The following SLC12A6 variants were observed in gnomAD, a reference collection of about 807,000 sequenced individuals.
SLC12A6 encodes K-Cl cotransporter 3.
In SLC12A6, 66 loss-of-function variants were observed where a neutral mutation model predicts 135.3. The ratio of observed to expected loss-of-function variants is 0.49; its 90% CI spans 0.40 to 0.60. SLC12A6 has a LOEUF of 0.60. Among genes scored for constraint, SLC12A6 ranks in the 20% least tolerant of loss-of-function variants. The pLI is 0.00. For missense variants in SLC12A6, 1,058 were observed against 1,452.3 expected (o/e 0.73, Z 4.41); for synonymous variants, 513 against 508.8 (o/e 1.01, Z -0.11).
At chr15:34,255,488 GT>G in intron 7 of SLC12A6, 96 bp from the exon 8 acceptor site, 1 of 897,252 alleles carries the variant, frequency 1.1e-6, no homozygotes. Flanking sequence ...ATACATAAAG[GT>G]TAAATGTTTC....
rs577079281 is a variant in SLC12A6, at chr15:34,291,281, C to A, written c.272-15892G>T. Among the ~76,000 whole-genome samples, 102 of 152,294 alleles carry A rather than the reference C, an allele frequency of 6.7e-4. 2 individuals carry two copies. Among genetic ancestry groups the A allele is most frequent in the African/African-American group, 2.3e-3 (97 of 41,570 alleles). ...GATATGAAATTCTGGGTTGAAAATT[C>A]TTTTCTTTCAGAATGTTGAATGTTG... On this transcript the variant is annotated intron_variant, in intron 2 of 25. Transcript: ENST00000354181.
At chr15:34,272,562 G>A (rs1156546754) in intron 3 of SLC12A6, among the ~76,000 whole-genome samples, 1 of 152,202 alleles carries the variant, frequency 6.6e-6, no homozygotes. Context: ...CTGGCCAGAA[G>A]ACTGGATGAA....
intron 2 of SLC12A6, among the ~76,000 whole-genome samples, chr15:34,287,186 T>C (rs1895147970): frequency 6.6e-6 from 1 of 152,130 alleles, no homozygotes; most frequent in Non-Finnish European, 1.5e-5. Context: ...CCTGTGTCCA[T>C]GTGTTCTCAT....
chr15:34,235,880 T>G, intron 24 of SLC12A6, 135 bp downstream of exon 24: 1 of 772,204 alleles, frequency 1.3e-6, no homozygotes, highest in Non-Finnish European at 2.4e-6. Flanking sequence ...GGAGCCAGTA[T>G]GAACAGGCAA....
chr15:34,278,912 T>A (rs1894480946), intron 2 of SLC12A6, among the ~76,000 whole-genome samples: 1 of 130 alleles, frequency 7.7e-3, no homozygotes, highest in African/African-American at 0.036. Context: ...TCAACTTAGA[T>A]TTTTATTTTC....
intron 2 of SLC12A6, among the ~76,000 whole-genome samples, chr15:34,326,692 CTTTTTT>C (rs10550362): frequency 7.4e-6 from 1 of 135,300 alleles, no homozygotes; most frequent in Non-Finnish European, 1.6e-5. Context: ...CATTTTATTA[CTTTTTT>C]TTTTTTTTTT....
intron 2 of SLC12A6, among the ~76,000 whole-genome samples, chr15:34,311,700 G>A (rs143524528): frequency 5.9e-4 from 90 of 152,308 alleles, no homozygotes; most frequent in African/African-American, 2.1e-3. Context: ...ATCCCACAGA[G>A]TGGAGAAAGG....
At chr15:34,283,581 GA>G (rs1894829277) in intron 2 of SLC12A6, among the ~76,000 whole-genome samples, 2 of 151,990 alleles carry the variant, frequency 1.3e-5, no homozygotes, top group African/African-American at 4.8e-5. Flanking sequence ...CCTAAGATGG[GA>G]ATCAGCTTGG....
At chr15:34,321,571 A>G (rs565265860) in intron 2 of SLC12A6, among the ~76,000 whole-genome samples, 1 of 152,348 alleles carries the variant, frequency 6.6e-6, no homozygotes, top group East Asian at 1.9e-4. Flanking sequence ...ACTATGGAAA[A>G]GGGTCTCACA....
chr15:34,304,305 A>G (rs912970874), intron 2 of SLC12A6, among the ~76,000 whole-genome samples: 5 of 152,028 alleles, frequency 3.3e-5, no homozygotes, highest in Non-Finnish European at 7.4e-5. Context: ...CATTTTATCT[A>G]TTCATTTGTC....
intron 3 of SLC12A6, among the ~76,000 whole-genome samples, chr15:34,271,319 T>C (rs1893918661): frequency 1.3e-5 from 2 of 152,050 alleles, no homozygotes; most frequent in South Asian, 2.1e-4. Context: ...CCGATTCAGA[T>C]TGCAAATATT....
Position 34,254,537 on chromosome 15 carries a change from T to A in SLC12A6, c.929A>T (p.Glu310Val), listed in dbSNP as rs772172735. ...CATGTTATTTAGCATGGCTGCTGATTCCTTGAGTGCGTCATCACTGTGAAA... is the reference window on the plus strand; with the variant it reads ...CATGTTATTTAGCATGGCTGCTGATACCTTGAGTGCGTCATCACTGTGAAA... Reference protein sequence around the residue: ...AIFHSDDALKESAAMLNNMRV... With the variant: ...AIFHSDDALKVSAAMLNNMRV... The change falls in exon 9 of 26, where the codon GAA becomes GTA. Residue 310 changes from glutamate (E) to valine (V), a missense_variant. Physicochemically the swap from Glu to Val is moderately radical, Grantham distance 121. Transcript: ENST00000354181. 6.2e-7 allele frequency: 1 copy of A among 1,611,042 alleles called. No homozygotes were observed. Among genetic ancestry groups the A allele is most frequent in the Admixed American group, 1.7e-5 (1 of 60,024 alleles).
intron 3 of SLC12A6, among the ~76,000 whole-genome samples, chr15:34,273,422 T>C (rs1033166337): frequency 2.0e-5 from 3 of 152,214 alleles, no homozygotes; most frequent in African/African-American, 7.2e-5. Flanking sequence ...ATCAGATTTG[T>C]ATATTTATGT....
intron 2 of SLC12A6, among the ~76,000 whole-genome samples, chr15:34,288,011 T>C (rs1430322697): frequency 1.3e-5 from 2 of 152,230 alleles, no homozygotes; most frequent in African/African-American, 4.8e-5. Flanking sequence ...TGTTGGCTTT[T>C]GTTGCCATTG....
At chr15:34,331,323 T>C (rs1028766682) in intron 2 of SLC12A6, among the ~76,000 whole-genome samples, 1 of 152,160 alleles carries the variant, frequency 6.6e-6, no homozygotes, top group Non-Finnish European at 1.5e-5. Context: ...ATATTTTTAG[T>C]AGAGACGGGG....
At chr15:34,271,602 TACACAC>T (rs10588100) in intron 3 of SLC12A6, among the ~76,000 whole-genome samples, 12 of 148,930 alleles carry the variant, frequency 8.1e-5, no homozygotes, top group South Asian at 2.1e-4. Flanking sequence ...AGTGCAAAGC[TACACAC>T]ACACACACAC....
In SLC12A6 at chr15:34,252,316, A is replaced by C; in HGVS notation, c.1187T>G (p.Ile396Ser). The C allele has an allele frequency of 6.2e-7, 1 of 1,613,180 alleles. No individual in the cohort carries two copies. The highest frequency in any genetic ancestry group is 8.5e-7 in the Non-Finnish European group (1 of 1,179,194). The change falls in exon 10 of 26, where the codon ATT becomes AGT. Residue 396 changes from isoleucine (I) to serine (S), a missense_variant. This residue lies in a region of SLC12A6 where 297 missense variants were observed against 318.5 expected (regional missense o/e 0.93). Coordinates refer to ENST00000354181, the MANE Select transcript of SLC12A6 (RefSeq NM_001365088.1). ...HIDVCSKTKE[I>S]NNMTVPSKLW... ...CTTTGATGGGACTGTCATGTTGTTA[A>C]TTTCCTTGGTCTTAGAGCAAACGTC...
Position 34,230,531 on chromosome 15 carries a change from T to A in SLC12A6, c.*3350A>T, listed in dbSNP as rs1890856355. ...TTCAGCTTTTAAGATAGATAGCTAT[T>A]GAAGGCAGAGGGTCAGCAGGAGGAT... is the stretch of plus-strand genomic sequence containing the variant. On this transcript the variant is annotated 3_prime_UTR_variant, in exon 26 of 26. Transcript: ENST00000354181. 1 of 152,600 alleles carries A rather than the reference T, an allele frequency of 6.6e-6. No individual in the cohort carries two copies. Among genetic ancestry groups the A allele is most frequent in the African/African-American group, 2.4e-5 (1 of 41,432 alleles). 9.5% of individuals were successfully genotyped at this position (152,600 alleles called of 1,614,324 possible).
intron 2 of SLC12A6, among the ~76,000 whole-genome samples, chr15:34,312,467 A>T (rs1197394759): frequency 6.6e-6 from 1 of 152,222 alleles, no homozygotes; most frequent in Non-Finnish European, 1.5e-5. Flanking sequence ...GTTTATAATC[A>T]GTGTACCAGG....
Sources: allele counts gnomAD v4.1 joint callset (sites outside exome capture counted in the v4.1 genomes callset), GRCh38; gene constraint gnomAD v4.1.1; regional missense constraint gnomAD v4.1.1; transcripts MANE v1.5; gene names NCBI Gene and HGNC (gene_info 2026-07-23, HGNC 2026-07-21).